Variants in NAALADL2 observed in about 807,000 individuals in gnomAD.
NAALADL2 encodes inactive N-acetylated-alpha-linked acidic dipeptidase-like protein 2.
In NAALADL2, 76 loss-of-function variants were observed where a neutral mutation model predicts 87.2. That is an observed-to-expected ratio of 0.87 (90% confidence interval 0.72 to 1.05). The LOEUF (loss-of-function observed/expected upper bound fraction) is 1.05, where lower values mean the gene tolerates loss of function less well. NAALADL2 is among the 50% of genes least tolerant of loss of function. The probability of loss-of-function intolerance (pLI) is 0.00; values close to 1 mark genes in which losing one functional copy is unlikely to be tolerated. For missense variants in NAALADL2, 1,089 were observed against 945.8 expected (o/e 1.15, Z -1.99); for synonymous variants, 354 against 331.0 (o/e 1.07, Z -0.75).
At chr3:175,753,210 A>G (rs1262859702) in intron 12 of NAALADL2, among the ~76,000 whole-genome samples, 3 of 152,152 alleles carry the variant, frequency 2.0e-5, no homozygotes, top group African/African-American at 7.2e-5. Context: ...AGGGAGCTAC[A>G]TATTAGCCTC....
chr3:175,456,342 A>G (rs1032288209), intron 6 of NAALADL2, among the ~76,000 whole-genome samples: 3 of 152,188 alleles, frequency 2.0e-5, no homozygotes, highest in African/African-American at 7.2e-5. Context: ...TCTGAGTGGA[A>G]CACATTTTTA....
chr3:175,010,777 C>A (rs1352081374), intron 1 of NAALADL2, among the ~76,000 whole-genome samples: 2 of 152,036 alleles, frequency 1.3e-5, no homozygotes, highest in African/African-American at 4.8e-5. Flanking sequence ...AGGACCTTGT[C>A]TGCTTGTATA....
At chr3:175,740,633 T>G (rs565295471) in intron 12 of NAALADL2, among the ~76,000 whole-genome samples, 1 of 152,202 alleles carries the variant, frequency 6.6e-6, no homozygotes, top group East Asian at 1.9e-4. Context: ...TCTTGCAAAA[T>G]ATAGTAATTA....
intron 10 of NAALADL2, among the ~76,000 whole-genome samples, chr3:175,605,322 A>G (rs150199958): frequency 1.3e-5 from 2 of 152,260 alleles, no homozygotes; most frequent in South Asian, 4.1e-4. Context: ...GCTCAAATCT[A>G]CATATGTTTT....
At chr3:174,986,851 T>C (rs74909090) in intron 1 of NAALADL2, among the ~76,000 whole-genome samples, 3 of 152,090 alleles carry the variant, frequency 2.0e-5, no homozygotes, top group Non-Finnish European at 4.4e-5. Flanking sequence ...ATGGACAAAT[T>C]TGGCCACTGT....
chr3:174,718,602 A>G (rs1351151001), intron 2 of NAALADL2, among the ~76,000 whole-genome samples: 1 of 152,182 alleles, frequency 6.6e-6, no homozygotes, highest in Non-Finnish European at 1.5e-5. Context: ...GGAGACTGAC[A>G]TTGTTCTCTC....
intron 5 of NAALADL2, among the ~76,000 whole-genome samples, chr3:175,387,070 A>T (rs1007014733): frequency 3.3e-5 from 5 of 151,628 alleles, no homozygotes; most frequent in East Asian, 3.9e-4. Flanking sequence ...AAGTGGGAAA[A>T]TTTTTTTTTA....
At chr3:175,459,953 T>C (rs1400122968) in intron 6 of NAALADL2, 4 of 308,686 alleles carry the variant, frequency 1.3e-5, no homozygotes, top group Non-Finnish European at 1.3e-5. Flanking sequence ...ATATTCTTTT[T>C]ACATTTTTAA....
At chr3:175,555,687 A>G (rs2149499964) in intron 9 of NAALADL2, among the ~76,000 whole-genome samples, 1 of 152,274 alleles carries the variant, frequency 6.6e-6, no homozygotes, top group South Asian at 2.1e-4. Context: ...ATATATATAC[A>G]CACACTACAC....
chr3:175,439,464 G>A lies in NAALADL2; in HGVS notation c.1091-7765G>A, dbSNP rs549151079. 3.2e-4 allele frequency among the ~76,000 whole-genome samples: 48 copies of A among 151,736 alleles called. 1 individual carries two copies. The highest frequency in any genetic ancestry group is 1.9e-3 in the South Asian group (9 of 4,806). ...ACTAGTTTACATTCCCACCAACAGCGTACAAGGGTTCCCTTTTCACCACAT... is the reference window on the plus strand; with the variant it reads ...ACTAGTTTACATTCCCACCAACAGCATACAAGGGTTCCCTTTTCACCACAT... On this transcript the variant is annotated intron_variant, in intron 5 of 13. Transcript: ENST00000454872.
intron 2 of NAALADL2, among the ~76,000 whole-genome samples, chr3:174,652,300 G>A (rs1269921621): frequency 1.3e-5 from 2 of 152,178 alleles, no homozygotes; most frequent in Non-Finnish European, 2.9e-5. Flanking sequence ...GGATATCTTC[G>A]TGACTTTGTT....
At chr3:175,007,274 A>G (rs573650940) in intron 1 of NAALADL2, among the ~76,000 whole-genome samples, 3 of 152,194 alleles carry the variant, frequency 2.0e-5, no homozygotes, top group Admixed American at 6.5e-5. Flanking sequence ...CTTTAGAAGT[A>G]AGTAGGATTT....
At chr3:175,023,427 A>G (rs982572469) in intron 1 of NAALADL2, among the ~76,000 whole-genome samples, 1 of 152,104 alleles carries the variant, frequency 6.6e-6, no homozygotes, top group Non-Finnish European at 1.5e-5. Context: ...TGTCTGTCAT[A>G]AAGTTTATAT....
intron 1 of NAALADL2, among the ~76,000 whole-genome samples, chr3:175,006,272 G>A (rs936278324): frequency 2.6e-5 from 4 of 152,132 alleles, no homozygotes; most frequent in Admixed American, 6.6e-5. Context: ...AACCTCAGAT[G>A]CCTTATTTTG....
chr3:174,637,460 T>C (rs1236936681), intron 2 of NAALADL2, among the ~76,000 whole-genome samples: 2 of 152,008 alleles, frequency 1.3e-5, no homozygotes, highest in Non-Finnish European at 2.9e-5. Flanking sequence ...ACAAATATAA[T>C]GAATGTATCA....
chr3:174,969,354 A>G (rs1743298263), intron 1 of NAALADL2, among the ~76,000 whole-genome samples: 1 of 152,042 alleles, frequency 6.6e-6, no homozygotes, highest in Non-Finnish European at 1.5e-5. Context: ...CACTCCTCTT[A>G]CTTTTAATAT....
chr3:175,604,242 G>A (rs9828640), intron 10 of NAALADL2, among the ~76,000 whole-genome samples: 2,598 of 150,960 alleles, frequency 0.017, 72 homozygotes, highest in Admixed American at 0.065. Flanking sequence ...TAGTAGCATC[G>A]TAATAAGTGT....
intron 4 of NAALADL2, among the ~76,000 whole-genome samples, chr3:175,273,866 A>G (rs535612284): frequency 6.1e-4 from 93 of 152,250 alleles, no homozygotes; most frequent in Non-Finnish European, 1.3e-3. Context: ...TTACAAAAGA[A>G]CATGCATTGC....
chr3:175,462,780 T>G (rs1210795067), intron 6 of NAALADL2, among the ~76,000 whole-genome samples: 1 of 152,130 alleles, frequency 6.6e-6, no homozygotes, highest in African/African-American at 2.4e-5. Flanking sequence ...ATATCAAACA[T>G]AAACAGAAAA....
Sources: allele counts gnomAD v4.1 joint callset (sites outside exome capture counted in the v4.1 genomes callset), GRCh38; gene constraint gnomAD v4.1.1; transcripts MANE v1.5; gene names NCBI Gene and HGNC (gene_info 2026-07-23, HGNC 2026-07-21).